The following MYO1B variants were observed in gnomAD, a reference collection of about 807,000 sequenced individuals.
The protein encoded by MYO1B is myosin IB.
In MYO1B, 72 loss-of-function variants were observed where a neutral mutation model predicts 159.7. The ratio of observed to expected loss-of-function variants is 0.45; its 90% CI spans 0.37 to 0.55. MYO1B has a LOEUF of 0.55. MYO1B is among the 20% of genes least tolerant of loss of function. The pLI, the probability that MYO1B is intolerant of heterozygous loss-of-function variation, is 0.00. For missense variants in MYO1B, 1,062 were observed against 1,364.8 expected, an observed-to-expected ratio of 0.78 and a Z score of 3.50; for synonymous variants, 468 against 473.8, an observed-to-expected ratio of 0.99 and a Z score of 0.16.
At chr2:191,283,314 C>CTA (rs1434082481) in intron 2 of MYO1B, among the ~76,000 whole-genome samples, 1 of 83,278 alleles carries the variant, frequency 1.2e-5, no homozygotes, top group African/African-American at 4.1e-5. Flanking sequence ...CTGGTTGAAG[C>CTA]TAAACCTAAG....
At chr2:191,411,413 T>G (rs1344609060) in intron 27 of MYO1B, among the ~76,000 whole-genome samples, 1 of 152,218 alleles carries the variant, frequency 6.6e-6, no homozygotes, top group Admixed American at 6.5e-5. Flanking sequence ...TCAAACACTT[T>G]ACTAAATAAT....
rs1695380458 is a variant in MYO1B at position 191,386,078 on chromosome 2, T to C, written c.1548T>C (p.Ala516=). The C allele has an allele frequency of 1.2e-6, 2 of 1,613,904 alleles. No homozygotes were observed. The highest frequency in any genetic ancestry group is 1.7e-5 in the Admixed American group (1 of 59,992). The change falls in exon 16 of 31, where the codon GCT becomes GCC. Residue 516 remains alanine (A), a synonymous_variant. Coordinates refer to ENST00000392318, the MANE Select transcript of MYO1B (RefSeq NM_001130158.3). ...PHSCFRIQHY[A]GKVLYQVEGF... The stretch of plus-strand genomic sequence containing the variant: ...GCTGCTTCAGGATCCAGCATTATGC[T>C]GGAAAGGTATGGGGGAGCTGTGAGC...
At chr2:191,410,936 CTTT>C in intron 26 of MYO1B, 127 bp from the exon 27 acceptor site, 2 of 570,890 alleles carry the variant, frequency 3.5e-6, no homozygotes. Flanking sequence ...TGTTTTTGGC[CTTT>C]TTTAGTGAAT....
chr2:191,246,002 C>A (rs921119991), intron 1 of MYO1B: 1 of 152,386 alleles, frequency 6.6e-6, no homozygotes, highest in Non-Finnish European at 1.5e-5. Context: ...TTCCTGGCCC[C>A]CTGGAAAGAC....
chr2:191,299,329 C>T (rs941239681), intron 3 of MYO1B, among the ~76,000 whole-genome samples: 99 of 152,292 alleles, frequency 6.5e-4, no homozygotes, highest in African/African-American at 2.4e-3. Context: ...CAAAGCACTA[C>T]GTGGTGAGCA....
At chr2:191,324,022 C>G (rs1690898230) in intron 3 of MYO1B, among the ~76,000 whole-genome samples, 1 of 151,994 alleles carries the variant, frequency 6.6e-6, no homozygotes, top group Admixed American at 6.6e-5. Context: ...CAACTAGGGA[C>G]TTCTTTGAGA....
At chr2:191,286,341 T>TA (rs879581144) in intron 2 of MYO1B, among the ~76,000 whole-genome samples, 6,511 of 142,894 alleles carry the variant, frequency 0.046, 449 homozygotes, top group African/African-American at 0.15. Flanking sequence ...ACTGTGTCTT[T>TA]AAAAAAAAAA....
intron 1 of MYO1B, among the ~76,000 whole-genome samples, chr2:191,270,700 G>C (rs183932769): frequency 6.6e-6 from 1 of 152,170 alleles, no homozygotes; most frequent in Non-Finnish European, 1.5e-5. Context: ...TTTTGCCTTT[G>C]TTTTGCCATC....
chr2:191,350,458 A>G (rs1332787594), intron 7 of MYO1B: 1 of 304,808 alleles, frequency 3.3e-6, no homozygotes, highest in Non-Finnish European at 6.0e-6. Context: ...AGTTTGCTAA[A>G]TAAATATTTG....
chr2:191,287,573 A>G (rs1019419037), intron 2 of MYO1B, among the ~76,000 whole-genome samples: 1 of 152,160 alleles, frequency 6.6e-6, no homozygotes, highest in Admixed American at 6.5e-5. Flanking sequence ...GAAAAGTTAA[A>G]TAATGTGCCC....
intron 1 of MYO1B, among the ~76,000 whole-genome samples, chr2:191,256,124 G>A (rs1686428822): frequency 6.6e-6 from 1 of 152,206 alleles, no homozygotes; most frequent in Non-Finnish European, 1.5e-5. Context: ...TTGAAGCATT[G>A]CTCTGGGGCA....
In MYO1B at chr2:191,408,101, T is replaced by A; in HGVS notation, c.2557-14T>A. 6.3e-7 allele frequency: 1 copy of A among 1,593,976 alleles called. No individual in the cohort carries two copies. Among genetic ancestry groups the A allele is most frequent in the East Asian group, 2.2e-5 (1 of 44,682 alleles). ...CACACATTAACCACTGTAACCTACATCTTCTTTTTAAAGGTACGTAGAGAA... is the reference window on the plus strand; with the variant it reads ...CACACATTAACCACTGTAACCTACAACTTCTTTTTAAAGGTACGTAGAGAA... On this transcript the variant is annotated splice_polypyrimidine_tract_variant and intron_variant, in intron 24 of 30. Coordinates refer to ENST00000392318, the MANE Select transcript of MYO1B (RefSeq NM_001130158.3).
chr2:191,331,579 A>G (rs1287876818), intron 4 of MYO1B, among the ~76,000 whole-genome samples: 1 of 152,138 alleles, frequency 6.6e-6, no homozygotes, highest in African/African-American at 2.4e-5. Context: ...TTTTCTTCAA[A>G]TTTTCTCATT....
chr2:191,346,979 A>G (rs937101049), intron 6 of MYO1B, among the ~76,000 whole-genome samples: 3 of 152,146 alleles, frequency 2.0e-5, no homozygotes, highest in African/African-American at 7.2e-5. Flanking sequence ...GCCTGGATGC[A>G]GCTGCAGGAA....
At chr2:191,416,873 A>C (rs1038778993) in intron 30 of MYO1B, among the ~76,000 whole-genome samples, 8 of 152,052 alleles carry the variant, frequency 5.3e-5, no homozygotes, top group African/African-American at 1.9e-4. Flanking sequence ...GACTGGTATA[A>C]ATTTGAAATT....
At chr2:191,265,624 TTTACGTTCACTTAGGGG>T (rs777599742) in intron 1 of MYO1B, among the ~76,000 whole-genome samples, 25 of 152,116 alleles carry the variant, frequency 1.6e-4, no homozygotes, top group Non-Finnish European at 1.3e-4. Flanking sequence ...TTTGAACAGT[TTTACGTTCACTTAGGGG>T]TTCCGGGGTC....
chr2:191,353,010 A>G (rs1372879548), intron 7 of MYO1B, among the ~76,000 whole-genome samples: 10 of 152,206 alleles, frequency 6.6e-5, no homozygotes, highest in Non-Finnish European at 5.9e-5. Flanking sequence ...AAAAAGGCAC[A>G]ATATCCCTTG....
At chr2:191,341,607 G>A (rs751228801) in intron 5 of MYO1B, 42 bp downstream of exon 5, 8 of 1,478,094 alleles carry the variant, frequency 5.4e-6, no homozygotes, top group South Asian at 2.3e-5. Flanking sequence ...GACTCAAACA[G>A]TAGATTGAGT....
chr2:191,385,629 T>C (rs1470272020), intron 15 of MYO1B, among the ~76,000 whole-genome samples: 1 of 152,176 alleles, frequency 6.6e-6, no homozygotes, highest in Non-Finnish European at 1.5e-5. Context: ...TCCCAGGTAC[T>C]GTTGTTCTGT....
Sources: gnomAD v4.1 joint callset for allele counts (sites outside exome capture counted in the v4.1 genomes callset) on GRCh38, gnomAD v4.1.1 for gene constraint, MANE v1.5 for transcripts, NCBI Gene and HGNC (gene_info 2026-07-23, HGNC 2026-07-21) for gene names.